Variants in GARRE1 observed in about 807,000 individuals in gnomAD.
GARRE1 encodes the protein granule associated Rac and RHOG effector protein 1.
Under a neutral mutation model 103.2 loss-of-function variants are expected in GARRE1, and 49 were observed. That is an observed-to-expected ratio of 0.47 (90% CI 0.38 to 0.60). The LOEUF is 0.60. Among genes scored for constraint, GARRE1 ranks in the 20% least tolerant of loss-of-function variants. The pLI is 0.00. For missense variants in GARRE1, 1,199 were observed against 1,370.5 expected, an observed-to-expected ratio of 0.87 and a Z score of 1.98; for synonymous variants, 505 against 532.8, an observed-to-expected ratio of 0.95 and a Z score of 0.72.
Position 34,344,902 on chromosome 19 carries a change from G to C in GARRE1, c.2521+2447G>C, listed in dbSNP as rs191429191. Reference sequence around the variant, plus strand: ...CCCCGAGGCTGGAGTGCAGTGGCGCGATCTCGGCTCACCGCAAGCTCCGCC... The same window carrying C: ...CCCCGAGGCTGGAGTGCAGTGGCGCCATCTCGGCTCACCGCAAGCTCCGCC... On this transcript the variant is annotated intron_variant, in intron 10 of 13. Coordinates refer to ENST00000299505, the MANE Select transcript of GARRE1 (RefSeq NM_014686.5). Among the ~76,000 whole-genome samples, 92 of 151,292 alleles carry C rather than the reference G, an allele frequency of 6.1e-4. 1 individual carries two copies. The East Asian group carries it at 0.016, about 26-fold the overall frequency.
chr19:34,310,252 A>G (rs2074030321), intron 2 of GARRE1, among the ~76,000 whole-genome samples: 1 of 152,240 alleles, frequency 6.6e-6, no homozygotes, highest in Non-Finnish European at 1.5e-5. Context: ...AGGATTGGAT[A>G]ATGGCCTGTT....
At chr19:34,255,962 C>T (rs1418661062) in intron 1 of GARRE1, among the ~76,000 whole-genome samples, 1 of 151,724 alleles carries the variant, frequency 6.6e-6, no homozygotes, top group Non-Finnish European at 1.5e-5. Context: ...CTGCTTTAGT[C>T]TCCCGAGTAG....
Position 34,351,582 on chromosome 19 carries a change from A to G in GARRE1, c.2894A>G (p.Asp965Gly). 6.2e-7 allele frequency: 1 copy of G among 1,612,990 alleles called. No homozygotes were observed. The highest frequency in any genetic ancestry group is 8.5e-7 in the Non-Finnish European group (1 of 1,178,990). The change falls in exon 13 of 14, where the codon GAT becomes GGT. Residue 965 changes from aspartate to glycine, a missense_variant. Physicochemically the swap from Asp to Gly is moderately conservative, Grantham distance 94. Coordinates refer to ENST00000299505, the MANE Select transcript of GARRE1 (RefSeq NM_014686.5). ...CCACCTCTCCTCACCACGGTGGAGG[A>G]TGTGAACCAGGTATTCAGGCAGGCT... ...PSPPLLTTVEDVNQDNKTKTW... is the reference protein window; with the variant it reads ...PSPPLLTTVEGVNQDNKTKTW...
rs1356280557 is a variant in GARRE1, at chr19:34,320,370, A to AG, written c.705+258dup. ...GAATAGGCTTACAAAAACAGGGCTA[A>AG]GGGGCCAGGATGGAGATATGCGGGA... On this transcript the variant is annotated intron_variant, in intron 3 of 13. Coordinates refer to ENST00000299505, the MANE Select transcript of GARRE1 (RefSeq NM_014686.5). Among the ~76,000 whole-genome samples, 3 of 152,354 alleles carry AG rather than the reference A, an allele frequency of 2.0e-5. No homozygotes were observed. In the East Asian group the frequency reaches 5.8e-4, roughly 29 times the overall value.
chr19:34,320,181 C>A, intron 3 of GARRE1, 65 bp downstream of exon 3: 1 of 1,341,692 alleles, frequency 7.5e-7, no homozygotes, highest in Non-Finnish European at 1.1e-6. Flanking sequence ...AGGGCCTTTG[C>A]CTGTTGATTC....
intron 1 of GARRE1, among the ~76,000 whole-genome samples, chr19:34,268,772 G>A (rs1168419478): frequency 1.3e-5 from 2 of 151,982 alleles, no homozygotes; most frequent in Non-Finnish European, 2.9e-5. Flanking sequence ...ACTGGCCTGG[G>A]CAACACAGTG....
intron 9 of GARRE1, 72 bp from the exon 10 acceptor site, chr19:34,341,350 A>G (rs118136404): frequency 0.02 from 27,013 of 1,320,246 alleles, 337 homozygotes; most frequent in Non-Finnish European, 0.024. Flanking sequence ...CCATTCTTAA[A>G]TACAAAGAGG....
intron 1 of GARRE1, among the ~76,000 whole-genome samples, chr19:34,285,484 G>A (rs1176228068): frequency 1.3e-5 from 2 of 151,958 alleles, no homozygotes; most frequent in African/African-American, 2.4e-5. Flanking sequence ...TTAATCAGGC[G>A]TGGTATCGGG....
At chr19:34,275,870 A>G (rs1006389897) in intron 1 of GARRE1, among the ~76,000 whole-genome samples, 2 of 152,202 alleles carry the variant, frequency 1.3e-5, no homozygotes, top group African/African-American at 2.4e-5. Flanking sequence ...AAATTCTCTA[A>G]CATTTTGTCA....
At chr19:34,289,039 TAGG>T (rs2073902835) in intron 1 of GARRE1, among the ~76,000 whole-genome samples, 1 of 151,466 alleles carries the variant, frequency 6.6e-6, no homozygotes, top group African/African-American at 2.4e-5. Context: ...GAGGCTGAGG[TAGG>T]AGAATTGCTT....
chr19:34,346,276 A>G (rs1014547147), intron 10 of GARRE1, among the ~76,000 whole-genome samples: 1 of 152,000 alleles, frequency 6.6e-6, no homozygotes. Context: ...TTTTTTTGAC[A>G]CTTTCTGTAA....
chr19:34,352,003 C>T (rs2145289662), intron 13 of GARRE1, among the ~76,000 whole-genome samples: 1 of 152,296 alleles, frequency 6.6e-6, no homozygotes, highest in East Asian at 1.9e-4. Context: ...GAGGCTGAGG[C>T]AGGAGGATGG....
At chr19:34,269,922 C>G (rs2073776346) in intron 1 of GARRE1, among the ~76,000 whole-genome samples, 1 of 152,194 alleles carries the variant, frequency 6.6e-6, no homozygotes, top group Non-Finnish European at 1.5e-5. Context: ...GTCCAGTTTT[C>G]CTTTTGGAGC....
chr19:34,351,184 G>A lies in GARRE1; in HGVS notation c.2826-330G>A, dbSNP rs565033964. 9.2e-4 allele frequency among the ~76,000 whole-genome samples: 126 copies of A among 137,442 alleles called. 1 individual carries two copies. Among genetic ancestry groups the A allele is most frequent in the Non-Finnish European group, 1.6e-3 (107 of 65,520 alleles). The allele number at this position is 137,442 out of a possible 152,430, so 90.2% of individuals were successfully genotyped here. A position where few individuals can be genotyped will look rare whatever the true frequency, so the allele number is the denominator to read the frequency against. On this transcript the variant is annotated intron_variant, in intron 12 of 13. Transcript: ENST00000299505. ...ACTGCACTCCAGCCTGGGAAACAGT[G>A]AGACTCAGTCTCAAAAAAAAAAAAA...
chr19:34,351,258 C>T (rs1352014916), intron 12 of GARRE1, among the ~76,000 whole-genome samples: 1 of 151,740 alleles, frequency 6.6e-6, no homozygotes, highest in African/African-American at 2.4e-5. Flanking sequence ...AAGGTGGACT[C>T]AGCAGCTGAG....
chr19:34,256,484 C>A (rs187332410), intron 1 of GARRE1, among the ~76,000 whole-genome samples: 1 of 149,746 alleles, frequency 6.7e-6, no homozygotes, highest in Non-Finnish European at 1.5e-5. Flanking sequence ...CGTGCCACTG[C>A]GCTCCAGCCT....
At chr19:34,254,867 G>C (rs1451856669) in intron 1 of GARRE1, among the ~76,000 whole-genome samples, 3 of 150,756 alleles carry the variant, frequency 2.0e-5, no homozygotes, top group African/African-American at 7.2e-5. Context: ...GCGAACCCGG[G>C]ACCTGGGGGC....
At chr19:34,348,267 A>G (rs2074221867) in intron 11 of GARRE1, 2 of 379,942 alleles carry the variant, frequency 5.3e-6, no homozygotes. Context: ...TGCCATTGGT[A>G]TACATTCATG....
At chr19:34,284,127 C>CTTT (rs10608784) in intron 1 of GARRE1, among the ~76,000 whole-genome samples, 35 of 73,422 alleles carry the variant, frequency 4.8e-4, no homozygotes, top group East Asian at 1.5e-3. Context: ...GCCCGGCTTT[C>CTTT]TTTTTTTTTT....
Sources: gnomAD v4.1 joint callset for allele counts (sites outside exome capture counted in the v4.1 genomes callset) on GRCh38, gnomAD v4.1.1 for gene constraint, MANE v1.5 for transcripts, NCBI Gene and HGNC (gene_info 2026-07-23, HGNC 2026-07-21) for gene names.